The following NRSN1 variants were observed in gnomAD, a reference collection of about 807,000 sequenced individuals.
NRSN1 encodes the protein neurensin 1.
Under a neutral mutation model 17.3 loss-of-function variants are expected in NRSN1, and 14 were observed. The observed-to-expected ratio is 0.81, with a 90% CI of 0.54 to 1.27. NRSN1 has a LOEUF of 1.27. Ranked by LOEUF, NRSN1 falls within the 50% of genes most tolerant of loss-of-function variation. NRSN1 has a pLI of 0.00. For synonymous variants in NRSN1, 79 were observed against 94.2 expected, an observed-to-expected ratio of 0.84 and a Z score of 0.93; for missense variants, 209 against 235.9, an observed-to-expected ratio of 0.89 and a Z score of 0.75.
chr6:24,135,628 G>A (rs1286183189), intron 3 of NRSN1, among the ~76,000 whole-genome samples: 1 of 152,178 alleles, frequency 6.6e-6, no homozygotes, highest in African/African-American at 2.4e-5. Context: ...GGCGTTAGTG[G>A]AGATGGTGAA....
At chr6:24,141,570 C>CTCTCTGAT (rs2113716715) in intron 3 of NRSN1, 1 of 153,738 alleles carries the variant, frequency 6.5e-6, no homozygotes, top group African/African-American at 2.4e-5. Flanking sequence ...GGGCGAGCCT[C>CTCTCTGAT]TCTCTGATTC....
At chr6:24,135,402 G>A (rs1760102216) in intron 3 of NRSN1, among the ~76,000 whole-genome samples, 1 of 152,186 alleles carries the variant, frequency 6.6e-6, no homozygotes, top group Non-Finnish European at 1.5e-5. Context: ...AGTTTGGTGT[G>A]TTTGAAAATG....
chr6:24,130,439 G>A (rs1236062479), intron 2 of NRSN1, among the ~76,000 whole-genome samples: 1 of 152,174 alleles, frequency 6.6e-6, no homozygotes, highest in Non-Finnish European at 1.5e-5. Context: ...TTCCCTAGGA[G>A]ATGTATAACT....
intron 2 of NRSN1, among the ~76,000 whole-genome samples, chr6:24,133,106 A>G (rs983111170): frequency 6.6e-6 from 1 of 152,164 alleles, no homozygotes; most frequent in Non-Finnish European, 1.5e-5. Context: ...AAGGGTATCA[A>G]TTAGGTCAAA....
Position 24,146,148 on chromosome 6 carries a change from A to C in NRSN1, c.*202A>C. ...GCCATGCCTAAGCCTGTGCACATGCATCCAGCTGCTTAAGATGGGTGCTTC... is the reference window on the plus strand; with the variant it reads ...GCCATGCCTAAGCCTGTGCACATGCCTCCAGCTGCTTAAGATGGGTGCTTC... On this transcript the variant is annotated 3_prime_UTR_variant, in exon 4 of 4. Coordinates refer to ENST00000378491, the MANE Select transcript of NRSN1 (RefSeq NM_080723.5). The C allele has an allele frequency of 1.4e-6, 1 of 717,020 alleles. No individual in the cohort carries two copies. The highest frequency in any genetic ancestry group is 2.6e-6 in the Non-Finnish European group (1 of 386,184). The allele number at this position is 717,020 out of a possible 1,614,324, so 44.4% of individuals were successfully genotyped here. A position where few individuals can be genotyped will look rare whatever the true frequency, so the allele number is the denominator to read the frequency against.
At chr6:24,136,431 T>C (rs1459297690) in intron 3 of NRSN1, among the ~76,000 whole-genome samples, 1 of 152,198 alleles carries the variant, frequency 6.6e-6, no homozygotes, top group Non-Finnish European at 1.5e-5. Context: ...CCTTGCCCTG[T>C]AGAAATCTCA....
rs1760306719 is a variant in NRSN1 at position 24,146,407 on chromosome 6, A to C, written c.*461A>C. ...TCATATGTGTTCATAGAAACATGGA[A>C]TTCTCTGATTTTGAGCCGAACATGA... On this transcript the variant is annotated 3_prime_UTR_variant, in exon 4 of 4. Coordinates refer to ENST00000378491, the MANE Select transcript of NRSN1 (RefSeq NM_080723.5). The C allele has an allele frequency of 2.6e-6, 1 of 385,268 alleles. No homozygotes were observed. The highest frequency in any genetic ancestry group is 3.3e-5 in the Admixed American group (1 of 30,208). 23.9% of individuals were successfully genotyped at this position (385,268 alleles called of 1,614,324 possible).
rs988883468 is a variant in NRSN1 at position 24,145,281 on chromosome 6, T to C, written c.190-267T>C. Among the ~76,000 whole-genome samples, 1 of 147,462 alleles carries C rather than the reference T, an allele frequency of 6.8e-6. No individual in the cohort carries two copies. Among genetic ancestry groups the C allele is most frequent in the Non-Finnish European group, 1.5e-5 (1 of 67,092 alleles). On this transcript the variant is annotated intron_variant, in intron 3 of 3. Coordinates refer to ENST00000378491, the MANE Select transcript of NRSN1 (RefSeq NM_080723.5). This position sits in a 1 kb window ranked among gnomAD's most constrained non-coding sequence, Gnocchi z 4.4. The stretch of plus-strand genomic sequence containing the variant: ...TATATATCTTTAGATATACAATATA[T>C]GTATATCTTTAGATATATAATATAT...
At chr6:24,126,440 T>G (rs1188855251) in intron 1 of NRSN1, 100 bp downstream of exon 1, 1 of 153,342 alleles carries the variant, frequency 6.5e-6, no homozygotes, top group Non-Finnish European at 1.5e-5. Flanking sequence ...TCCTTCCTCC[T>G]TCTTCATGCA....
chr6:24,133,285 T>C (rs1437063537), intron 2 of NRSN1, among the ~76,000 whole-genome samples: 1 of 152,212 alleles, frequency 6.6e-6, no homozygotes, highest in African/African-American at 2.4e-5. Context: ...CATGGACAGA[T>C]GTATCCACAA....
In NRSN1 at chr6:24,146,191, G is replaced by GA. The variant is rs1351533799; in HGVS notation, c.*249dup. The GA allele has an allele frequency of 1.4e-6, 1 of 694,346 alleles. No individual in the cohort carries two copies. The highest frequency in any genetic ancestry group is 2.0e-5 in the Admixed American group (1 of 49,330). 43.0% of individuals were successfully genotyped at this position (694,346 alleles called of 1,614,324 possible). ...GGTGCTTCCTTGTACCCGGCCACCA[G>GA]AAAACCCCTGGAACTCCTCTTTCAT... On this transcript the variant is annotated 3_prime_UTR_variant, in exon 4 of 4. Transcript: ENST00000378491.
At chr6:24,142,872 A>C (rs1406645250) in intron 3 of NRSN1, among the ~76,000 whole-genome samples, 2 of 152,204 alleles carry the variant, frequency 1.3e-5, no homozygotes, top group Non-Finnish European at 2.9e-5. Flanking sequence ...GGTTGCGGCT[A>C]CTGGCGCGGG....
At chr6:24,130,340 C>A (rs1760009047) in intron 2 of NRSN1, among the ~76,000 whole-genome samples, 2 of 152,116 alleles carry the variant, frequency 1.3e-5, no homozygotes, top group Admixed American at 6.5e-5. Flanking sequence ...TATGATGTGA[C>A]CTCACATACC....
intron 2 of NRSN1, among the ~76,000 whole-genome samples, chr6:24,130,318 T>C (rs1760008856): frequency 6.6e-6 from 1 of 152,196 alleles, no homozygotes; most frequent in African/African-American, 2.4e-5. Flanking sequence ...TGCCCAGTCT[T>C]TAAAGTGACT....
intron 2 of NRSN1, chr6:24,129,395 T>C (rs1441555251): frequency 6.6e-6 from 1 of 152,198 alleles, no homozygotes; most frequent in East Asian, 1.9e-4. Flanking sequence ...CCAACCCACG[T>C]AGAACTCTGC....
At chr6:24,138,249 A>G (rs1311746900) in intron 3 of NRSN1, among the ~76,000 whole-genome samples, 1 of 152,158 alleles carries the variant, frequency 6.6e-6, no homozygotes, top group African/African-American at 2.4e-5. Flanking sequence ...AGGTTGCTGC[A>G]TGACTACCTC....
At chr6:24,133,594 G>GT (rs1760069998) in intron 2 of NRSN1, among the ~76,000 whole-genome samples, 1 of 152,172 alleles carries the variant, frequency 6.6e-6, no homozygotes, top group East Asian at 1.9e-4. Context: ...TCTTTAACAT[G>GT]TAAGTGCAAA....
intron 3 of NRSN1, among the ~76,000 whole-genome samples, chr6:24,141,751 C>T (rs371096433): frequency 2.0e-4 from 30 of 152,314 alleles, no homozygotes; most frequent in African/African-American, 7.0e-4. Flanking sequence ...GAGCAGACTG[C>T]TCTGAGAATC....
At position 24,142,191 on chromosome 6, in the gene NRSN1, C is replaced by CTTTTTTTTTTTTTTT. The variant is rs751168423; in HGVS notation, c.190-3348_190-3334dup. On this transcript the variant is annotated intron_variant, in intron 3 of 3. Coordinates refer to ENST00000378491, the MANE Select transcript of NRSN1 (RefSeq NM_080723.5). ...AGCACTTATGTCTTATACAGAACAG[C>CTTTTTTTTTTTTTTT]TTTTTTTTTTTTTTTTTTTTTTTCA... is the stretch of plus-strand genomic sequence containing the variant. Among the ~76,000 whole-genome samples the CTTTTTTTTTTTTTTT allele has an allele frequency of 7.4e-4, 33 of 44,458 alleles. 9 individuals are homozygous for CTTTTTTTTTTTTTTT. The highest frequency in any genetic ancestry group is 2.2e-3 in the Admixed American group (5 of 2,244). 29.2% of individuals were successfully genotyped at this position (44,458 alleles called of 152,430 possible).
Sources: gnomAD v4.1 joint callset for allele counts (sites outside exome capture counted in the v4.1 genomes callset) on GRCh38, gnomAD v4.1.1 for gene constraint, Gnocchi (gnomAD v3.1) non-coding constraint, MANE v1.5 for transcripts, NCBI Gene and HGNC (gene_info 2026-07-23, HGNC 2026-07-21) for gene names.